Variants in GRID2 observed in about 807,000 individuals in gnomAD.
The protein encoded by GRID2 is glutamate receptor ionotropic, delta-2.
Under a neutral mutation model 114.8 loss-of-function variants are expected in GRID2, and 33 were observed. The ratio of observed to expected loss-of-function variants is 0.29; its 90% CI spans 0.22 to 0.38. The LOEUF (loss-of-function observed/expected upper bound fraction) is 0.38, where lower values mean the gene tolerates loss of function less well. Among genes scored for constraint, GRID2 ranks in the 10% least tolerant of loss-of-function variants. The pLI is 1.00. For missense variants in GRID2, 1,184 were observed against 1,257.7 expected, an observed-to-expected ratio of 0.94 and a Z score of 0.89; for synonymous variants, 505 against 449.9, an observed-to-expected ratio of 1.12 and a Z score of -1.55.
intron 1 of GRID2, among the ~76,000 whole-genome samples, chr4:93,794,729 C>T (rs543159676): frequency 6.6e-6 from 1 of 152,224 alleles, no homozygotes; most frequent in African/African-American, 2.4e-5. Flanking sequence ...GAACATTATT[C>T]CCCTCAGAAA....
At chr4:93,232,596 C>T (rs1746276482) in intron 7 of GRID2, among the ~76,000 whole-genome samples, 1 of 149,470 alleles carries the variant, frequency 6.7e-6, no homozygotes, top group Non-Finnish European at 1.5e-5. Flanking sequence ...AATTCTTTTG[C>T]ATTGTCTTAA....
At chr4:92,736,545 C>T (rs1287074232) in intron 2 of GRID2, among the ~76,000 whole-genome samples, 2 of 152,132 alleles carry the variant, frequency 1.3e-5, no homozygotes, top group Admixed American at 6.6e-5. Context: ...TTCCTTTAAC[C>T]TATCGAATGT....
chr4:93,223,512 G>A (rs1416774582), intron 6 of GRID2, among the ~76,000 whole-genome samples: 1 of 152,096 alleles, frequency 6.6e-6, no homozygotes, highest in African/African-American at 2.4e-5. Flanking sequence ...GATGTGGGTA[G>A]ACTATTTTAA....
At chr4:92,477,522 A>G (rs918216331) in intron 1 of GRID2, among the ~76,000 whole-genome samples, 7 of 151,828 alleles carry the variant, frequency 4.6e-5, no homozygotes, top group African/African-American at 1.7e-4. Flanking sequence ...AATACCTTTA[A>G]TATGTGAATC....
chr4:92,969,068 C>T (rs1753333403), intron 2 of GRID2, among the ~76,000 whole-genome samples: 1 of 151,526 alleles, frequency 6.6e-6, no homozygotes, highest in African/African-American at 2.4e-5. Flanking sequence ...GCAATAGTAG[C>T]ATAGGTTATG....
chr4:92,803,784 T>G (rs1740284451), intron 2 of GRID2, among the ~76,000 whole-genome samples: 1 of 152,050 alleles, frequency 6.6e-6, no homozygotes, highest in Admixed American at 6.6e-5. Context: ...TTGTATTTGT[T>G]TCTTAGAGCT....
At chr4:93,075,930 G>A (rs1729243723) in intron 2 of GRID2, among the ~76,000 whole-genome samples, 1 of 100,964 alleles carries the variant, frequency 9.9e-6, no homozygotes, top group Admixed American at 1.3e-4. Flanking sequence ...TTGAGATGGA[G>A]TCTCGCTCTG....
At chr4:93,593,835 A>G (rs1738701129) in intron 13 of GRID2, among the ~76,000 whole-genome samples, 1 of 151,810 alleles carries the variant, frequency 6.6e-6, no homozygotes, top group African/African-American at 2.4e-5. Flanking sequence ...CCTTTCTTCC[A>G]GTTGATCGCA....
chr4:93,786,876 G>A (rs1225300579), intron 1 of GRID2, among the ~76,000 whole-genome samples: 2 of 152,154 alleles, frequency 1.3e-5, no homozygotes, highest in African/African-American at 2.4e-5. Context: ...TTAACAGAGA[G>A]TTGTAGAGTA....
chr4:93,064,803 G>T (rs1325372964), intron 2 of GRID2, among the ~76,000 whole-genome samples: 2 of 151,858 alleles, frequency 1.3e-5, no homozygotes, highest in Admixed American at 1.3e-4. Flanking sequence ...ATTAGCATAT[G>T]TTTAATGACA....
intron 1 of GRID2, among the ~76,000 whole-genome samples, chr4:92,530,912 G>A (rs568512476): frequency 5.3e-5 from 8 of 151,706 alleles, no homozygotes; most frequent in Admixed American, 1.3e-4. Flanking sequence ...ATCTTGGCGG[G>A]GGGGGAGAAA....
intron 2 of GRID2, among the ~76,000 whole-genome samples, chr4:92,634,859 CAGAGAGAGAGAGAGAGAGAAAG>C (rs983505541): frequency 3.5e-5 from 5 of 143,124 alleles, no homozygotes; most frequent in South Asian, 2.2e-4. Flanking sequence ...TGCAGAGAGA[CAGAGAGAGAGAGAGAGAGAAAG>C]AGAGAGAGAG....
At chr4:93,598,416 G>GT (rs897683556) in intron 13 of GRID2, among the ~76,000 whole-genome samples, 6 of 151,606 alleles carry the variant, frequency 4.0e-5, no homozygotes, top group South Asian at 2.1e-4. Flanking sequence ...CTCTTTTAAA[G>GT]TTTTTTTACT....
intron 14 of GRID2, among the ~76,000 whole-genome samples, chr4:93,627,288 A>G (rs529293553): frequency 6.6e-6 from 1 of 152,318 alleles, no homozygotes; most frequent in Admixed American, 6.5e-5. Context: ...TCCAGATAGT[A>G]CTAAGGCCCT....
intron 14 of GRID2, among the ~76,000 whole-genome samples, chr4:93,670,153 G>A (rs932598191): frequency 1.3e-5 from 2 of 152,006 alleles, no homozygotes; most frequent in African/African-American, 4.8e-5. Flanking sequence ...TTCTTTCTTT[G>A]CACTAGGTAC....
rs1272527116 is a variant in GRID2 at position 92,939,175 on chromosome 4, C to T, written c.245-145820C>T. 2.0e-5 allele frequency among the ~76,000 whole-genome samples: 3 copies of T among 147,320 alleles called. 1 individual carries two copies. Among genetic ancestry groups the T allele is most frequent in the Admixed American group, 1.5e-4 (2 of 13,762 alleles). On this transcript the variant is annotated intron_variant, in intron 2 of 15. Transcript: ENST00000282020. The stretch of plus-strand genomic sequence containing the variant: ...ACAATGGTTGAACTAGTTTACAGTC[C>T]CACCAACAGTGTAAAAGTGTTCCTA...
At position 92,512,238 on chromosome 4, in the gene GRID2, T is replaced by A. The variant is rs112913381; in HGVS notation, c.89-77893T>A. On this transcript the variant is annotated intron_variant, in intron 1 of 15. Transcript: ENST00000282020. ...TAAGGCTGAATAATATTTCATTGTATGTGTTATAACATATTTTACTTACCA... is the reference window on the plus strand; with the variant it reads ...TAAGGCTGAATAATATTTCATTGTAAGTGTTATAACATATTTTACTTACCA... Among the ~76,000 whole-genome samples the A allele has an allele frequency of 4.3e-3, 656 of 152,006 alleles. 2 individuals are homozygous for A. The highest frequency in any genetic ancestry group is 0.015 in the African/African-American group (637 of 41,534).
rs189911927 is a variant in GRID2, at chr4:93,505,744, T to A, written c.1998-9472T>A. ...ACCAAATATTTGTTTATTTAACTAA[T>A]AGCCATTTAAAATAGAGAAAAGGAT... On this transcript the variant is annotated intron_variant, in intron 12 of 15. Transcript: ENST00000282020. Among the ~76,000 whole-genome samples, 151 of 151,636 alleles carry A rather than the reference T, an allele frequency of 1.0e-3. 3 individuals carry two copies. In the East Asian group the frequency reaches 0.028, roughly 29 times the overall value.
At chr4:93,136,232 TTGTGTG>T (rs3970984) in intron 4 of GRID2, among the ~76,000 whole-genome samples, 35,972 of 142,166 alleles carry the variant, frequency 0.25, 4,548 homozygotes, top group Middle Eastern at 0.4. Flanking sequence ...CCAACAGTTA[TTGTGTG>T]TGTGTGTGTG....
Sources: allele counts gnomAD v4.1 joint callset (sites outside exome capture counted in the v4.1 genomes callset), GRCh38; gene constraint gnomAD v4.1.1; transcripts MANE v1.5; gene names NCBI Gene and HGNC (gene_info 2026-07-23, HGNC 2026-07-21).